The following OSBPL8 variants were observed in gnomAD, a reference collection of about 807,000 sequenced individuals.
The protein encoded by OSBPL8 is oxysterol binding protein like 8, also known as oxysterol-binding protein-related protein 8.
OSBPL8 carries 59 observed loss-of-function variants against 125.5 expected under a neutral mutation model. The observed-to-expected ratio is 0.47, with a 90% confidence interval of 0.38 to 0.58. OSBPL8 has a LOEUF of 0.58. Ranked by LOEUF, OSBPL8 falls within the 20% of genes least tolerant of loss-of-function variation. The pLI is 0.00. For synonymous variants in OSBPL8, 330 were observed against 338.9 expected (o/e 0.97, Z 0.29); for missense variants, 758 against 1,047.8 (o/e 0.72, Z 3.82).
At chr12:76,412,829 A>G (rs1480036587) in intron 4 of OSBPL8, among the ~76,000 whole-genome samples, 3 of 152,178 alleles carry the variant, frequency 2.0e-5, no homozygotes, top group Admixed American at 2.0e-4. Flanking sequence ...TTTAAAACTC[A>G]TGCTGTTTCT....
At chr12:76,514,694 G>A (rs1460519648) in intron 1 of OSBPL8, among the ~76,000 whole-genome samples, 3 of 152,090 alleles carry the variant, frequency 2.0e-5, no homozygotes. Flanking sequence ...TTGACTGTTG[G>A]CCTCTCTAGC....
chr12:76,430,524 G>A (rs920639364), intron 4 of OSBPL8, among the ~76,000 whole-genome samples: 2 of 152,100 alleles, frequency 1.3e-5, no homozygotes, highest in African/African-American at 4.8e-5. Context: ...CACCAAAAGA[G>A]GCAAATAAAG....
At chr12:76,432,492 G>C (rs1870959582) in intron 4 of OSBPL8, among the ~76,000 whole-genome samples, 1 of 152,074 alleles carries the variant, frequency 6.6e-6, no homozygotes, top group Non-Finnish European at 1.5e-5. Flanking sequence ...GAAACAGAAA[G>C]AGTGCTTGAT....
chr12:76,428,059 T>C (rs1281856900), intron 4 of OSBPL8, among the ~76,000 whole-genome samples: 1 of 152,052 alleles, frequency 6.6e-6, no homozygotes, highest in African/African-American at 2.4e-5. Context: ...TGGTCCAAAT[T>C]AGAAAACACT....
At chr12:76,486,852 T>G (rs1878188189) in intron 2 of OSBPL8, among the ~76,000 whole-genome samples, 1 of 152,106 alleles carries the variant, frequency 6.6e-6, no homozygotes, top group Non-Finnish European at 1.5e-5. Context: ...ATGTTAACAT[T>G]CTCTTGATTT....
intron 1 of OSBPL8, among the ~76,000 whole-genome samples, chr12:76,501,423 A>T (rs1014380421): frequency 2.0e-5 from 3 of 152,250 alleles, no homozygotes; most frequent in African/African-American, 7.2e-5. Flanking sequence ...TATGTAACAG[A>T]GACAATATGT....
chr12:76,390,551 C>A lies in OSBPL8; in HGVS notation c.1036G>T (p.Val346Leu), dbSNP rs1349881805. The change falls in exon 11 of 24, where the codon GTG (valine) becomes TTG (leucine). Residue 346 changes from valine (V) to leucine (L), a missense_variant. This residue lies in a region of OSBPL8 where 572 missense variants were observed against 762.0 expected (regional missense o/e 0.75). Coordinates refer to ENST00000261183, the MANE Select transcript of OSBPL8 (RefSeq NM_020841.5). ...DQEHDESDNE[V>L]MGKSEESDTD... The stretch of plus-strand genomic sequence containing the variant: ...TCACTTTCTTCACTTTTCCCCATCA[C>A]CTCATTATCAGACTCATCATGTTCT... 1.4e-5 allele frequency: 22 copies of A among 1,613,536 alleles called. No homozygotes were observed. The highest frequency in any genetic ancestry group is 1.8e-5 in the Non-Finnish European group (21 of 1,179,728).
At chr12:76,461,140 T>C (rs1482605174) in intron 2 of OSBPL8, among the ~76,000 whole-genome samples, 1 of 152,190 alleles carries the variant, frequency 6.6e-6, no homozygotes, top group Non-Finnish European at 1.5e-5. Flanking sequence ...CTCCAGCCTC[T>C]GCCTCCCAAA....
intron 1 of OSBPL8, among the ~76,000 whole-genome samples, chr12:76,553,494 T>C (rs543707642): frequency 9.4e-6 from 1 of 105,904 alleles, no homozygotes; most frequent in East Asian, 5.4e-4. Context: ...TGAGACTCTG[T>C]TTCTAAAAAA....
intron 1 of OSBPL8, among the ~76,000 whole-genome samples, chr12:76,506,834 A>T (rs910551156): frequency 3.9e-5 from 6 of 152,198 alleles, no homozygotes; most frequent in African/African-American, 1.4e-4. Context: ...TTTAAATGAT[A>T]ATAAATCTGA....
At chr12:76,548,194 A>G (rs1412773224) in intron 1 of OSBPL8, among the ~76,000 whole-genome samples, 4 of 152,224 alleles carry the variant, frequency 2.6e-5, no homozygotes, top group African/African-American at 4.8e-5. Context: ...AAATCGTAAC[A>G]GTAAAGAAAT....
At position 76,522,859 on chromosome 12, in the gene OSBPL8, A is replaced by T. The variant is rs150342787; in HGVS notation, c.-67-35241T>A. Among the ~76,000 whole-genome samples, 998 of 152,298 alleles carry T rather than the reference A, an allele frequency of 6.6e-3. 6 individuals carry two copies. The highest frequency in any genetic ancestry group is 0.037 in the Middle Eastern group (11 of 294). ...TAAAATATAGTAAATTCCTATATTT[A>T]TTTATTTAGAGGCAAGATGTCACTG... On this transcript the variant is annotated intron_variant, in intron 1 of 23. Coordinates refer to ENST00000261183, the MANE Select transcript of OSBPL8 (RefSeq NM_020841.5).
intron 1 of OSBPL8, among the ~76,000 whole-genome samples, chr12:76,489,341 T>C (rs1265127227): frequency 6.6e-6 from 1 of 152,214 alleles, no homozygotes; most frequent in East Asian, 1.9e-4. Context: ...GAAGATGCCA[T>C]TAAGGACTTT....
intron 1 of OSBPL8, among the ~76,000 whole-genome samples, chr12:76,524,976 G>A (rs894554792): frequency 2.6e-5 from 4 of 152,088 alleles, no homozygotes; most frequent in Admixed American, 1.3e-4. Context: ...GAGCCACTGC[G>A]CCCAGCCATA....
At chr12:76,520,953 A>G (rs1882012516) in intron 1 of OSBPL8, among the ~76,000 whole-genome samples, 1 of 152,222 alleles carries the variant, frequency 6.6e-6, no homozygotes. Context: ...AAGCAATTTG[A>G]GCAGGTAAAA....
chr12:76,400,059 G>T, intron 6 of OSBPL8, 85 bp from the exon 7 acceptor site: 1 of 947,296 alleles, frequency 1.1e-6, no homozygotes, highest in Non-Finnish European at 1.6e-6. Context: ...ATGCAGGTTT[G>T]TTATATAGGT....
chr12:76,454,917 C>T (rs1229808127), intron 3 of OSBPL8, among the ~76,000 whole-genome samples: 7 of 151,946 alleles, frequency 4.6e-5, no homozygotes, highest in South Asian at 2.1e-4. Flanking sequence ...TAGTCATGCC[C>T]TCTTGGGGCA....
intron 2 of OSBPL8, among the ~76,000 whole-genome samples, chr12:76,474,658 T>C (rs1048051434): frequency 2.6e-5 from 4 of 152,070 alleles, no homozygotes; most frequent in Admixed American, 2.6e-4. Context: ...ATGTTTTTTA[T>C]TATTTGTAGA....
chr12:76,476,840 A>G (rs1032570322), intron 2 of OSBPL8, among the ~76,000 whole-genome samples: 5 of 152,248 alleles, frequency 3.3e-5, no homozygotes, highest in Admixed American at 3.3e-4. Flanking sequence ...AAGGAATGGA[A>G]GAAAAAGGGA....
Sources: allele counts gnomAD v4.1 joint callset (sites outside exome capture counted in the v4.1 genomes callset), GRCh38; gene constraint gnomAD v4.1.1; regional missense constraint gnomAD v4.1.1; transcripts MANE v1.5; gene names NCBI Gene and HGNC (gene_info 2026-07-23, HGNC 2026-07-21).